Variants in CAPN8 observed in about 807,000 individuals in gnomAD.
CAPN8 encodes the protein calpain 8.
A neutral mutation model predicts 80.9 loss-of-function variants in CAPN8; 87 were observed. The ratio of observed to expected loss-of-function variants is 1.07; its 90% confidence interval spans 0.90 to 1.28. CAPN8 has a LOEUF of 1.28. Ranked by LOEUF, CAPN8 falls within the 50% of genes most tolerant of loss-of-function variation. CAPN8 has a pLI of 0.00. For missense variants in CAPN8, 757 were observed against 702.0 expected (o/e 1.08, Z -0.89); for synonymous variants, 299 against 273.8 (o/e 1.09, Z -0.91).
intron 1 of CAPN8, among the ~76,000 whole-genome samples, chr1:223,656,788 C>A (rs1300653449): frequency 1.3e-5 from 2 of 149,764 alleles, no homozygotes; most frequent in Admixed American, 6.8e-5. Flanking sequence ...GGTTCACGCC[C>A]TTCTCCTGCC....
At chr1:223,622,736 G>A (rs774387569) in intron 7 of CAPN8, 79 bp downstream of exon 7, 36 of 1,078,784 alleles carry the variant, frequency 3.3e-5, no homozygotes, top group East Asian at 2.6e-5. Context: ...CTGTGACATC[G>A]ATCTCATTGT....
chr1:223,542,177 T>A (rs1656484289), intron 20 of CAPN8, among the ~76,000 whole-genome samples: 1 of 151,568 alleles, frequency 6.6e-6, no homozygotes, highest in Non-Finnish European at 1.5e-5. Context: ...CACATATATA[T>A]ACACTATATA....
At chr1:223,556,731 G>A (rs1485923643) in intron 13 of CAPN8, among the ~76,000 whole-genome samples, 2 of 152,190 alleles carry the variant, frequency 1.3e-5, no homozygotes, top group Non-Finnish European at 2.9e-5. Flanking sequence ...ATCAGTATAA[G>A]TTGATTTAGC....
chr1:223,626,956 G>A (rs79128521), intron 5 of CAPN8, 33 bp downstream of exon 5: 2 of 1,542,418 alleles, frequency 1.3e-6, no homozygotes, highest in African/African-American at 2.7e-5. Context: ...GCGGTGGGGG[G>A]AGGTGGGGCA....
chr1:223,541,941 TG>T, intron 20 of CAPN8, 82 bp from the exon 21 acceptor site: 1 of 1,546,348 alleles, frequency 6.5e-7, no homozygotes, highest in South Asian at 1.2e-5. Flanking sequence ...CTGCCTCACA[TG>T]GGTGCGATCT....
rs1656947814 is a variant in CAPN8 at position 223,558,184 on chromosome 1, G to C, written c.1536-17C>G. 1 of 398,460 alleles carries C rather than the reference G, an allele frequency of 2.5e-6. No homozygotes were observed. Among genetic ancestry groups the C allele is most frequent in the Non-Finnish European group, 4.4e-6 (1 of 226,050 alleles). The allele number at this position is 398,460 out of a possible 1,614,324, so 24.7% of individuals were successfully genotyped here. On this transcript the variant is annotated splice_polypyrimidine_tract_variant and intron_variant, in intron 12 of 20. Coordinates refer to ENST00000366872, the MANE Select transcript of CAPN8 (RefSeq NM_001143962.2). ...CCAATTTCTCTGAAATGCAAAGAAA[G>C]AAATAAACCAAACATGAGTAAGTAA...
At chr1:223,614,316 C>T (rs1345663353) in intron 10 of CAPN8, among the ~76,000 whole-genome samples, 1 of 151,580 alleles carries the variant, frequency 6.6e-6, no homozygotes, top group African/African-American at 2.4e-5. Context: ...AGGAGAATTG[C>T]TTGAACCTGG....
chr1:223,632,655 C>CTA (rs1300645253), intron 2 of CAPN8, among the ~76,000 whole-genome samples: 1 of 152,204 alleles, frequency 6.6e-6, no homozygotes, highest in African/African-American at 2.4e-5. Flanking sequence ...TAAGCATGAG[C>CTA]TACCACACCT....
At position 223,644,324 on chromosome 1, in the gene CAPN8, G is replaced by T. The variant is rs557948884; in HGVS notation, c.307+10006C>A. The T allele has an allele frequency of 8.8e-5, 18 of 204,560 alleles. No individual in the cohort carries two copies. In the East Asian group the frequency reaches 2.2e-3, roughly 25 times the overall value. 12.7% of individuals were successfully genotyped at this position (204,560 alleles called of 1,614,324 possible). ...ATCTATTTTGTAAGAATCTGTAGGT[G>T]AGGTTGATGGGCTCCATCATAGCTT... On this transcript the variant is annotated intron_variant, in intron 2 of 20. Coordinates refer to ENST00000366872, the MANE Select transcript of CAPN8 (RefSeq NM_001143962.2).
chr1:223,549,776 C>T (rs551735420), intron 15 of CAPN8, among the ~76,000 whole-genome samples: 169 of 152,316 alleles, frequency 1.1e-3, no homozygotes, highest in African/African-American at 3.9e-3. Flanking sequence ...AAGTTTTAGC[C>T]CAGGCTTGAT....
chr1:223,628,698 G>A lies in CAPN8; in HGVS notation c.390C>T (p.Asp130=), dbSNP rs1657678282. 2 of 1,551,646 alleles carry A rather than the reference G, an allele frequency of 1.3e-6. No individual in the cohort carries two copies. Among genetic ancestry groups the A allele is most frequent in the Admixed American group, 2.0e-5 (1 of 50,998 alleles). ...AGATTCCCGCATAGTTCTCCTGGAA[G>A]TCCTGGTCCCTGGGGACCACCCGGT... ...LLYRVVPRDQ[D]FQENYAGIFH... is the part of the protein sequence containing the mutation. Residue 130 remains aspartate, a synonymous_variant, in exon 3 of 21, where the codon GAC becomes GAT. Transcript: ENST00000366872.
chr1:223,645,605 GT>G (rs1250675611), intron 2 of CAPN8, among the ~76,000 whole-genome samples: 5 of 152,206 alleles, frequency 3.3e-5, no homozygotes, highest in African/African-American at 1.2e-4. Context: ...TGGAGAAACA[GT>G]TTTTGAGTCC....
intron 2 of CAPN8, chr1:223,644,178 C>T (rs1658122456): frequency 2.7e-6 from 1 of 368,930 alleles, no homozygotes; most frequent in Non-Finnish European, 5.2e-6. Context: ...GTTGTTTTAA[C>T]TCTGTTTTAG....
At chr1:223,617,542 G>A (rs1657237105) in intron 9 of CAPN8, 1 of 152,194 alleles carries the variant, frequency 6.6e-6, no homozygotes, top group Non-Finnish European at 1.5e-5. Context: ...ACCCCCTACA[G>A]TTCTGAGCTC....
chr1:223,619,581 T>A, intron 8 of CAPN8, 128 bp from the exon 9 acceptor site: 1 of 863,920 alleles, frequency 1.2e-6, no homozygotes. Flanking sequence ...TGATCTTTCC[T>A]ACAGCACACT....
chr1:223,613,841 A>C (rs1237992438), intron 10 of CAPN8, among the ~76,000 whole-genome samples: 2 of 151,926 alleles, frequency 1.3e-5, no homozygotes, highest in African/African-American at 4.8e-5. Flanking sequence ...AACCCCAGCT[A>C]CTCCCTATAA....
chr1:223,643,947 T>TA (rs970566435), intron 2 of CAPN8, among the ~76,000 whole-genome samples: 28 of 152,170 alleles, frequency 1.8e-4, no homozygotes, highest in East Asian at 3.8e-4. Context: ...GATTTCCTTT[T>TA]AAAAAAAATT....
chr1:223,657,811 A>G (rs1396164751), intron 1 of CAPN8, among the ~76,000 whole-genome samples: 1 of 152,150 alleles, frequency 6.6e-6, no homozygotes, highest in African/African-American at 2.4e-5. Context: ...TTCATCCGCC[A>G]TTCATCCATC....
At chr1:223,612,475 GGGGA>G (rs1307343603) in intron 10 of CAPN8, among the ~76,000 whole-genome samples, 15 of 151,858 alleles carry the variant, frequency 9.9e-5, no homozygotes, top group Admixed American at 3.3e-4. Flanking sequence ...AAATCTGGTG[GGGGA>G]CCACCAGATT....
Sources: gnomAD v4.1 joint callset for allele counts (sites outside exome capture counted in the v4.1 genomes callset) on GRCh38, gnomAD v4.1.1 for gene constraint, MANE v1.5 for transcripts, NCBI Gene and HGNC (gene_info 2026-07-23, HGNC 2026-07-21) for gene names.